Variants in GPLD1 observed in about 807,000 individuals in gnomAD.
GPLD1 encodes phosphatidylinositol-glycan-specific phospholipase D.
A neutral mutation model predicts 112.6 loss-of-function variants in GPLD1; 84 were observed. That is an observed-to-expected ratio of 0.75 (90% CI 0.63 to 0.89). GPLD1 has a LOEUF of 0.89. GPLD1 is among the 40% of genes least tolerant of loss of function. The pLI is 0.00. For synonymous variants in GPLD1, 386 were observed against 403.8 expected, an observed-to-expected ratio of 0.96 and a Z score of 0.53; for missense variants, 1,044 against 1,051.5, an observed-to-expected ratio of 0.99 and a Z score of 0.10.
At chr6:24,435,516 C>T (rs9467147) in intron 22 of GPLD1, among the ~76,000 whole-genome samples, 9,966 of 151,840 alleles carry the variant, frequency 0.066, 758 homozygotes, top group African/African-American at 0.19. Context: ...TCTAAAATTT[C>T]CATAATAAAC....
chr6:24,437,062 C>A (rs773875614), intron 21 of GPLD1, 51 bp downstream of exon 21: 1 of 1,535,502 alleles, frequency 6.5e-7, no homozygotes, highest in Non-Finnish European at 9.0e-7. Flanking sequence ...GGGACCCACC[C>A]CCTGGGCAAA....
At chr6:24,447,573 G>A (rs1234771339) in intron 17 of GPLD1, among the ~76,000 whole-genome samples, 2 of 152,034 alleles carry the variant, frequency 1.3e-5, no homozygotes, top group Non-Finnish European at 2.9e-5. Flanking sequence ...ATGGACAGTC[G>A]AGAGCACCAC....
intron 20 of GPLD1, among the ~76,000 whole-genome samples, chr6:24,438,885 C>A (rs1053575247): frequency 1.3e-5 from 2 of 152,088 alleles, no homozygotes; most frequent in African/African-American, 4.8e-5. Context: ...TTCCTGGGTT[C>A]AAGCGATTCT....
intron 20 of GPLD1, among the ~76,000 whole-genome samples, chr6:24,443,987 T>C (rs1305760368): frequency 6.6e-6 from 1 of 152,186 alleles, no homozygotes; most frequent in African/African-American, 2.4e-5. Context: ...CTGACCCACT[T>C]CTGCTTATTA....
chr6:24,457,710 G>A lies in GPLD1; in HGVS notation c.1009-1073C>T, dbSNP rs550661451. Among the ~76,000 whole-genome samples the A allele has an allele frequency of 8.6e-5, 13 of 151,842 alleles. 1 individual carries two copies. The highest frequency in any genetic ancestry group is 2.0e-4 in the Admixed American group (3 of 15,220). ...AGCCTGGCCAATATAGTAAAACCCC[G>A]TCTCTACTAAAAATTAGCTGGGAGT... On this transcript the variant is annotated intron_variant, in intron 12 of 24. Transcript: ENST00000230036.
intron 24 of GPLD1, among the ~76,000 whole-genome samples, chr6:24,432,390 G>T (rs114202380): frequency 0.011 from 1,730 of 152,126 alleles, 16 homozygotes; most frequent in South Asian, 0.046. Context: ...TTGAGGCCAG[G>T]AGTTTGAGAC....
rs759985274 is a variant in GPLD1 at position 24,446,880 on chromosome 6, G to C, written c.1778C>G (p.Thr593Ser). ...SLHGVTVDNR[T>S]LLLVGSPTWK... Reference sequence around the variant, plus strand: ...GGTCGGGCTCCCAACCAACAGCAAGGTTCTGTTGTCCACAGTGACACCGTG... The same window carrying C: ...GGTCGGGCTCCCAACCAACAGCAAGCTTCTGTTGTCCACAGTGACACCGTG... Residue 593 changes from threonine (T) to serine (S), a missense_variant, in exon 18 of 25, where the codon ACC becomes AGC. Physicochemically the swap from Thr to Ser is moderately conservative, Grantham distance 58. Coordinates refer to ENST00000230036, the MANE Select transcript of GPLD1 (RefSeq NM_001503.4). 1 of 1,613,946 alleles carries C rather than the reference G, an allele frequency of 6.2e-7. No individual in the cohort carries two copies. Among genetic ancestry groups the C allele is most frequent in the South Asian group, 1.1e-5 (1 of 91,070 alleles).
intron 22 of GPLD1, among the ~76,000 whole-genome samples, chr6:24,433,747 A>G (rs1157409559): frequency 6.6e-6 from 1 of 151,952 alleles, no homozygotes; most frequent in Non-Finnish European, 1.5e-5. Flanking sequence ...CACCCACCTC[A>G]GCCTCCCAAA....
intron 10 of GPLD1, among the ~76,000 whole-genome samples, chr6:24,465,850 T>C (rs1280495325): frequency 1.3e-5 from 2 of 152,244 alleles, no homozygotes; most frequent in Non-Finnish European, 2.9e-5. Context: ...TTTCTCATTT[T>C]ACGTTGGAGT....
chr6:24,484,832 T>C (rs1448757207), intron 2 of GPLD1, among the ~76,000 whole-genome samples: 1 of 152,222 alleles, frequency 6.6e-6, no homozygotes, highest in Non-Finnish European at 1.5e-5. Context: ...TAAAAGTATT[T>C]TGAGGGTACA....
Position 24,446,982 on chromosome 6 carries a change from A to T in GPLD1, c.1679-3T>A, listed in dbSNP as rs565890129. On this transcript the variant is annotated splice_polypyrimidine_tract_variant and splice_region_variant and intron_variant, in intron 17 of 24. Coordinates refer to ENST00000230036, the MANE Select transcript of GPLD1 (RefSeq NM_001503.4). ...GGCTGCCTCCACGTTCAGTTTTTCTAAAGAAGACAACTCATCCTTTTTACT... is the reference window on the plus strand; with the variant it reads ...GGCTGCCTCCACGTTCAGTTTTTCTTAAGAAGACAACTCATCCTTTTTACT... 3.0e-5 allele frequency: 48 copies of T among 1,612,690 alleles called. No individual in the cohort carries two copies. The East Asian group carries it at 9.4e-4, about 31-fold the overall frequency.
chr6:24,424,894 T>C (rs1762176046), downstream of GPLD1: 1 of 152,154 alleles, frequency 6.6e-6, no homozygotes, highest in Non-Finnish European at 1.5e-5. Flanking sequence ...AAAATGTTAC[T>C]CCCGTCGCTG....
At chr6:24,448,880 A>G (rs115513678) in intron 15 of GPLD1, among the ~76,000 whole-genome samples, 1,975 of 152,164 alleles carry the variant, frequency 0.013, 17 homozygotes, top group African/African-American at 0.029. Flanking sequence ...CATTCATTCT[A>G]CAAGCACTTC....
At chr6:24,458,520 G>A (rs954268552) in intron 12 of GPLD1, among the ~76,000 whole-genome samples, 2 of 94 alleles carry the variant, frequency 0.021, no homozygotes, top group Non-Finnish European at 0.045. Flanking sequence ...TCCCCTCCCC[G>A]GTCCGGACCA....
At chr6:24,438,625 T>C (rs1762651735) in intron 20 of GPLD1, among the ~76,000 whole-genome samples, 1 of 151,900 alleles carries the variant, frequency 6.6e-6, no homozygotes, top group Non-Finnish European at 1.5e-5. Flanking sequence ...TAAGAAAGAG[T>C]ATTTTAAAAG....
At chr6:24,447,074 G>A (rs1762934605) in intron 17 of GPLD1, 95 bp from the exon 18 acceptor site, 1 of 1,164,004 alleles carries the variant, frequency 8.6e-7, no homozygotes, top group East Asian at 2.4e-5. Context: ...AATAGAAGTG[G>A]GTTCATTTTG....
At chr6:24,445,442 A>G in intron 20 of GPLD1, 104 bp downstream of exon 20, 1 of 734,242 alleles carries the variant, frequency 1.4e-6, no homozygotes, top group South Asian at 1.7e-5. Context: ...AAATATTGAA[A>G]CCTAGATCTG....
intron 1 of GPLD1, among the ~76,000 whole-genome samples, chr6:24,487,412 T>C (rs2127373166): frequency 6.6e-6 from 1 of 152,350 alleles, no homozygotes; most frequent in East Asian, 1.9e-4. Flanking sequence ...CCTTCAATTA[T>C]GTTCACATAA....
chr6:24,454,682 A>G (rs115758726), intron 13 of GPLD1, among the ~76,000 whole-genome samples: 4,623 of 152,354 alleles, frequency 0.03, 156 homozygotes, highest in Non-Finnish European at 0.037. Flanking sequence ...GGCCAAATCA[A>G]GAGTCCCACA....
Sources: gnomAD v4.1 joint callset for allele counts (sites outside exome capture counted in the v4.1 genomes callset) on GRCh38, gnomAD v4.1.1 for gene constraint, MANE v1.5 for transcripts, NCBI Gene and HGNC (gene_info 2026-07-23, HGNC 2026-07-21) for gene names.